Variants in SMG6 observed in about 807,000 individuals in gnomAD.
SMG6 encodes SMG6 nonsense mediated mRNA decay factor, also known as telomerase-binding protein EST1A.
In SMG6, 66 loss-of-function variants were observed where a neutral mutation model predicts 142.2. That is an observed-to-expected ratio of 0.46 (90% CI 0.38 to 0.57). The LOEUF is 0.57. Among genes scored for constraint, SMG6 ranks in the 20% least tolerant of loss-of-function variants. The probability of loss-of-function intolerance (pLI) is 0.00; values close to 1 mark genes in which losing one functional copy is unlikely to be tolerated. For missense variants in SMG6, 1,793 were observed against 1,832.0 expected (o/e 0.98, Z 0.39); for synonymous variants, 779 against 702.4 (o/e 1.11, Z -1.72).
At chr17:2,118,782 TCTCA>T (rs1405493579) in intron 13 of SMG6, among the ~76,000 whole-genome samples, 1 of 151,898 alleles carries the variant, frequency 6.6e-6, no homozygotes, top group East Asian at 1.9e-4. Flanking sequence ...GTCATGGGGG[TCTCA>T]CTATGTTGTC....
chr17:2,184,960 CAAAAAAAAAA>C (rs58230459), intron 12 of SMG6, among the ~76,000 whole-genome samples: 12 of 22,476 alleles, frequency 5.3e-4, no homozygotes, highest in East Asian at 1.4e-3. Flanking sequence ...GACTCCATCT[CAAAAAAAAAA>C]AAAAAAAAAA....
At chr17:2,116,791 A>C (rs1597410761) in intron 13 of SMG6, among the ~76,000 whole-genome samples, 1 of 152,082 alleles carries the variant, frequency 6.6e-6, no homozygotes, top group Admixed American at 6.6e-5. Context: ...GACTGCGAGA[A>C]GATATTTTCA....
At chr17:2,294,969 G>A (rs1333904783) in intron 4 of SMG6, among the ~76,000 whole-genome samples, 1 of 151,806 alleles carries the variant, frequency 6.6e-6, no homozygotes, top group African/African-American at 2.4e-5. Context: ...ACTGCCTTCT[G>A]GTTTTTAAGC....
chr17:2,229,688 C>A (rs749668139), intron 10 of SMG6, among the ~76,000 whole-genome samples: 70 of 152,138 alleles, frequency 4.6e-4, no homozygotes, highest in Non-Finnish European at 9.0e-4. Context: ...ACTGGTCACG[C>A]CCTCTGAAAA....
chr17:2,064,405 T>A (rs1327038112), intron 18 of SMG6, among the ~76,000 whole-genome samples: 1 of 151,768 alleles, frequency 6.6e-6, no homozygotes, highest in Non-Finnish European at 1.5e-5. Context: ...AAACCCAGAG[T>A]GGGCCTTTGG....
chr17:2,303,093 A>AG, intron 1 of SMG6: 15 of 985,474 alleles, frequency 1.5e-5, no homozygotes, highest in Non-Finnish European at 1.8e-5. Flanking sequence ...CACACATGCC[A>AG]GGGCCAAACC....
At chr17:2,095,449 A>C (rs1329820279) in intron 13 of SMG6, among the ~76,000 whole-genome samples, 1 of 152,200 alleles carries the variant, frequency 6.6e-6, no homozygotes, top group Non-Finnish European at 1.5e-5. Flanking sequence ...GTAGTCTTCA[A>C]CACACTTAGG....
chr17:2,262,186 C>T (rs1054183234), intron 8 of SMG6, among the ~76,000 whole-genome samples: 11 of 152,204 alleles, frequency 7.2e-5, no homozygotes, highest in African/African-American at 2.7e-4. Flanking sequence ...AAGAATAGGA[C>T]TTAGTGCCAA....
intron 13 of SMG6, among the ~76,000 whole-genome samples, chr17:2,114,444 A>G (rs1351384925): frequency 1.3e-5 from 2 of 152,228 alleles, no homozygotes; most frequent in African/African-American, 4.8e-5. Flanking sequence ...AGGCAACCCC[A>G]TACCAGAAAC....
At position 2,216,961 on chromosome 17, in the gene SMG6, G is replaced by A. The variant is rs560020027; in HGVS notation, c.2869+19531C>T. On this transcript the variant is annotated intron_variant, in intron 10 of 18. Coordinates refer to ENST00000263073, the MANE Select transcript of SMG6 (RefSeq NM_017575.5). ...CCTCAAAACCTAAGTTGCTTCTTTT[G>A]AAATTCAAGTTCAAAATAAGAAACA... 5.3e-5 allele frequency among the ~76,000 whole-genome samples: 8 copies of A among 152,200 alleles called. No homozygotes were observed. The South Asian group carries it at 1.7e-3, about 31-fold the overall frequency.
intron 10 of SMG6, among the ~76,000 whole-genome samples, chr17:2,227,581 G>A (rs2073354356): frequency 6.6e-6 from 1 of 152,180 alleles, no homozygotes; most frequent in Non-Finnish European, 1.5e-5. Context: ...CAAGGGGTGG[G>A]ATGGAGATCA....
At chr17:2,106,996 G>A (rs1019960439) in intron 13 of SMG6, among the ~76,000 whole-genome samples, 7 of 152,082 alleles carry the variant, frequency 4.6e-5, no homozygotes, top group Non-Finnish European at 8.8e-5. Context: ...GCTGAGTTTT[G>A]TATTTTTAGT....
At chr17:2,217,732 C>T (rs1224599014) in intron 10 of SMG6, among the ~76,000 whole-genome samples, 7 of 152,096 alleles carry the variant, frequency 4.6e-5, no homozygotes, top group Admixed American at 3.3e-4. Context: ...AAAGGACCGC[C>T]GGGCACGGTG....
chr17:2,258,839 C>T (rs1176053037), intron 8 of SMG6, among the ~76,000 whole-genome samples: 1 of 150,046 alleles, frequency 6.7e-6, no homozygotes, highest in Non-Finnish European at 1.5e-5. Context: ...CTCACACCTG[C>T]AATTCCAGCA....
At chr17:2,069,068 C>T (rs190709832) in intron 15 of SMG6, 137 bp from the exon 16 acceptor site, 4 of 833,504 alleles carry the variant, frequency 4.8e-6, no homozygotes, top group South Asian at 1.7e-5. Flanking sequence ...CAGTCCCCGT[C>T]GGGTCTCAGG....
intron 8 of SMG6, among the ~76,000 whole-genome samples, chr17:2,265,698 C>G (rs528926707): frequency 5.3e-5 from 8 of 152,330 alleles, no homozygotes; most frequent in African/African-American, 1.9e-4. Flanking sequence ...TCTCGTGTTG[C>G]TCTTTTTAAA....
At chr17:2,183,398 A>C (rs1336790761) in intron 12 of SMG6, among the ~76,000 whole-genome samples, 3 of 152,208 alleles carry the variant, frequency 2.0e-5, no homozygotes, top group Non-Finnish European at 4.4e-5. Flanking sequence ...ACACACAGTG[A>C]CACTAACACA....
intron 8 of SMG6, among the ~76,000 whole-genome samples, chr17:2,246,166 C>T (rs1368687630): frequency 6.6e-6 from 1 of 152,118 alleles, no homozygotes; most frequent in East Asian, 1.9e-4. Context: ...TATTTCTCAG[C>T]AAAACAAGGG....
intron 1 of SMG6, chr17:2,303,361 C>A: frequency 8.3e-7 from 1 of 1,210,762 alleles, no homozygotes; most frequent in Non-Finnish European, 1.0e-6. Flanking sequence ...AGGGCTGGGG[C>A]AAAAGGAACA....
Sources: allele counts gnomAD v4.1 joint callset (sites outside exome capture counted in the v4.1 genomes callset), GRCh38; gene constraint gnomAD v4.1.1; transcripts MANE v1.5; gene names NCBI Gene and HGNC (gene_info 2026-07-23, HGNC 2026-07-21).